KANSL1: variants seen among roughly 807,000 people sequenced by gnomAD.
KANSL1 encodes MLL1/MLL complex subunit KANSL1.
Under a neutral mutation model 103.6 loss-of-function variants are expected in KANSL1, and 22 were observed. The ratio of observed to expected loss-of-function variants is 0.21; its 90% CI spans 0.15 to 0.30. The LOEUF is 0.30. KANSL1 is among the 10% of genes least tolerant of loss of function. The pLI is 1.00. For synonymous variants in KANSL1, 600 were observed against 527.6 expected, an observed-to-expected ratio of 1.14 and a Z score of -1.88; for missense variants, 1,337 against 1,399.8, an observed-to-expected ratio of 0.96 and a Z score of 0.72.
At chr17:46,062,264 A>T (rs944698293) in intron 6 of KANSL1, among the ~76,000 whole-genome samples, 1 of 151,168 alleles carries the variant, frequency 6.6e-6, no homozygotes, top group Non-Finnish European at 1.5e-5. Context: ...TTACTGATAG[A>T]TCTCATTTCT....
rs373489007 is a variant in KANSL1 at position 46,039,226 on chromosome 17, G to A, written c.2204-11C>T. On this transcript the variant is annotated splice_polypyrimidine_tract_variant and intron_variant, in intron 8 of 14. Transcript: ENST00000432791. ...GGTGATGGGACAGCTCTGAAGAGGG[G>A]AACAGAAAAAGAGCTGTGAAATATG... 4 of 1,548,468 alleles carry A rather than the reference G, an allele frequency of 2.6e-6. No individual in the cohort carries two copies. The highest frequency in any genetic ancestry group is 3.5e-6 in the Non-Finnish European group (4 of 1,153,418).
At chr17:46,134,592 C>T (rs1016982491) in intron 2 of KANSL1, among the ~76,000 whole-genome samples, 7 of 152,188 alleles carry the variant, frequency 4.6e-5, no homozygotes, top group African/African-American at 1.4e-4. Flanking sequence ...GTAATCCCAG[C>T]ACTTTGGGAG....
At chr17:46,158,798 C>T (rs1013212727) in intron 2 of KANSL1, among the ~76,000 whole-genome samples, 4 of 152,192 alleles carry the variant, frequency 2.6e-5, no homozygotes, top group Non-Finnish European at 4.4e-5. Flanking sequence ...GCCTTGGCCT[C>T]ACAAAGTGCT....
intron 6 of KANSL1, among the ~76,000 whole-genome samples, chr17:46,056,061 C>T (rs908411823): frequency 6.6e-6 from 1 of 152,014 alleles, no homozygotes; most frequent in Non-Finnish European, 1.5e-5. Flanking sequence ...TGCAATGGTG[C>T]GATCTCGGCT....
At chr17:46,158,630 A>T (rs1173076347) in intron 2 of KANSL1, among the ~76,000 whole-genome samples, 1 of 152,276 alleles carries the variant, frequency 6.6e-6, no homozygotes, top group South Asian at 2.1e-4. Context: ...AACCTCCACC[A>T]CCTGGGTTCA....
intron 2 of KANSL1, among the ~76,000 whole-genome samples, chr17:46,130,665 A>C (rs1294586338): frequency 6.6e-6 from 1 of 152,232 alleles, no homozygotes; most frequent in African/African-American, 2.4e-5. Context: ...GAGTCAGTTC[A>C]AGACGGCTTC....
chr17:46,173,987 CAT>C (rs1161056376), intron 1 of KANSL1, among the ~76,000 whole-genome samples: 2 of 152,206 alleles, frequency 1.3e-5, no homozygotes, highest in Non-Finnish European at 2.9e-5. Context: ...TACTGACAAA[CAT>C]TATTTGAAAC....
chr17:46,111,362 C>T (rs1327311862), intron 2 of KANSL1, among the ~76,000 whole-genome samples: 1 of 152,186 alleles, frequency 6.6e-6, no homozygotes, highest in Non-Finnish European at 1.5e-5. Flanking sequence ...GCATGTGCTG[C>T]CAAGCCCAGC....
chr17:46,217,601 C>A (rs1250862580), intron 1 of KANSL1, among the ~76,000 whole-genome samples: 3 of 151,930 alleles, frequency 2.0e-5, no homozygotes, highest in Non-Finnish European at 1.5e-5. Context: ...GAAATACACA[C>A]AGGGAGGCTG....
At chr17:46,220,843 T>C (rs2429445) in intron 1 of KANSL1, among the ~76,000 whole-genome samples, 21,966 of 151,840 alleles carry the variant, frequency 0.14, 2,152 homozygotes, top group Middle Eastern at 0.22. Flanking sequence ...TGTGCCACCA[T>C]GCCCCAGCTA....
In KANSL1 at chr17:46,111,255, G is replaced by C. The variant is rs866729796; in HGVS notation, c.1290-16554C>G. ...AGATGGAGTTTCGCTCTGTCGTCCA[G>C]GCTGGAGTGCGATGGCGTGATCTCG... is the stretch of plus-strand genomic sequence containing the variant. On this transcript the variant is annotated intron_variant, in intron 2 of 14. Coordinates refer to ENST00000432791, the MANE Select transcript of KANSL1 (RefSeq NM_015443.4). Among the ~76,000 whole-genome samples the C allele has an allele frequency of 1.6e-4, 24 of 152,360 alleles. No homozygotes were observed. The South Asian group carries it at 2.9e-3, about 18-fold the overall frequency.
chr17:46,219,899 C>T (rs1384661804), intron 1 of KANSL1, among the ~76,000 whole-genome samples: 3 of 152,088 alleles, frequency 2.0e-5, no homozygotes, highest in Admixed American at 6.5e-5. Context: ...GTCAGGAGAT[C>T]GAGACCATCC....
chr17:46,182,438 A>T (rs1416528010), intron 1 of KANSL1, among the ~76,000 whole-genome samples: 1 of 152,256 alleles, frequency 6.6e-6, no homozygotes, highest in Non-Finnish European at 1.5e-5. Context: ...ACAAAAGTAG[A>T]TTTGTTGTGG....
chr17:46,173,495 G>A (rs917996077), intron 1 of KANSL1, among the ~76,000 whole-genome samples: 7 of 152,218 alleles, frequency 4.6e-5, no homozygotes, highest in South Asian at 2.1e-4. Context: ...GGAAACATAC[G>A]TAAAGAACTA....
Position 46,050,697 on chromosome 17 carries a change from C to T in KANSL1, c.1856G>A (p.Arg619Gln), listed in dbSNP as rs1424923651. Residue 619 changes from arginine (R) to glutamine (Q), a missense_variant, in exon 7 of 15, where the codon CGG becomes CAG. By Grantham distance (43) the Arg-to-Gln change is conservative. Around this residue, in one of 2 missense-constraint regions of KANSL1, gnomAD observed 780 missense variants for 923.4 expected, o/e 0.84. Coordinates refer to ENST00000432791, the MANE Select transcript of KANSL1 (RefSeq NM_015443.4). ...ACAGCCAGGGCGGATTGTGCTGTTC[C>T]GGTGAACCTGTGAAAAAAGCCAAAC... ...SIVPLSKKVH[R>Q]NSTIRPGCDV... The T allele has an allele frequency of 8.7e-6, 14 of 1,606,494 alleles. No homozygotes were observed. Among genetic ancestry groups the T allele is most frequent in the African/African-American group, 5.4e-5 (4 of 74,728 alleles).
At chr17:46,197,015 C>G (rs181291938), upstream of KANSL1, among the ~76,000 whole-genome samples, 232 of 152,124 alleles carry the variant, frequency 1.5e-3, 1 homozygote, top group African/African-American at 5.4e-3. Context: ...CTCAGAGGCT[C>G]AGGCAGGAGG....
intron 2 of KANSL1, among the ~76,000 whole-genome samples, chr17:46,143,424 A>G (rs2696594): frequency 0.14 from 21,957 of 151,968 alleles, 2,144 homozygotes; most frequent in Middle Eastern, 0.22. Context: ...AACCCGCGAG[A>G]CAGAGGTTGC....
intron 1 of KANSL1, among the ~76,000 whole-genome samples, chr17:46,216,939 C>G (rs1340826435): frequency 6.6e-6 from 1 of 151,906 alleles, no homozygotes; most frequent in Admixed American, 6.6e-5. Flanking sequence ...GACCCCATCT[C>G]TACTAAAAAT....
Position 46,112,951 on chromosome 17 carries a change from C to T in KANSL1, c.1290-18250G>A, listed in dbSNP as rs536574814. On this transcript the variant is annotated intron_variant, in intron 2 of 14. Transcript: ENST00000432791. ...GGTCAGGGTGGTCTTGAACTCCCGA[C>T]CTCAGGTGACCCGCCCACCTTGGCC... Among the ~76,000 whole-genome samples the T allele has an allele frequency of 3.9e-5, 6 of 152,248 alleles. 1 individual carries two copies. Among genetic ancestry groups the T allele is most frequent in the Middle Eastern group, 6.8e-3 (2 of 294 alleles).
Sources: allele counts gnomAD v4.1 joint callset (sites outside exome capture counted in the v4.1 genomes callset), GRCh38; gene constraint gnomAD v4.1.1; regional missense constraint gnomAD v4.1.1; transcripts MANE v1.5; gene names NCBI Gene and HGNC (gene_info 2026-07-23, HGNC 2026-07-21).